TCIRG1: variants seen among roughly 807,000 people sequenced by gnomAD.
TCIRG1 encodes V-type proton ATPase 116 kDa subunit a 3.
Under a neutral mutation model 95.5 loss-of-function variants are expected in TCIRG1, and 86 were observed. That is an observed-to-expected ratio of 0.90 (90% CI 0.76 to 1.08). TCIRG1 has a LOEUF of 1.08. Among genes scored for constraint, TCIRG1 ranks in the 50% least tolerant of loss-of-function variants. The probability of loss-of-function intolerance (pLI) is 0.00; values close to 1 mark genes in which losing one functional copy is unlikely to be tolerated. For missense variants in TCIRG1, 1,069 were observed against 1,140.2 expected, an observed-to-expected ratio of 0.94 and a Z score of 0.90; for synonymous variants, 499 against 501.3, an observed-to-expected ratio of 1.00 and a Z score of 0.06.
chr11:68,041,429 AG>A, intron 2 of TCIRG1, 41 bp downstream of exon 2: 1 of 1,443,818 alleles, frequency 6.9e-7, no homozygotes, highest in Non-Finnish European at 9.7e-7. Flanking sequence ...GCTACTGCCA[AG>A]GTTAGCCCGG....
rs1855772197 is a variant in TCIRG1, at chr11:68,050,863, G to A, written c.*44G>A. 2.5e-6 allele frequency: 4 copies of A among 1,587,640 alleles called. No homozygotes were observed. Among genetic ancestry groups the A allele is most frequent in the African/African-American group, 1.3e-5 (1 of 74,526 alleles). ...CCAGACCTCCTTCCTGACCTCTGAG[G>A]CAGGAGAGGAATAAAGACGGTCCGC... On this transcript the variant is annotated 3_prime_UTR_variant, in exon 20 of 20. Coordinates refer to ENST00000265686, the MANE Select transcript of TCIRG1 (RefSeq NM_006019.4).
downstream of TCIRG1, chr11:68,050,941 C>T (rs1855775973): frequency 3.5e-6 from 4 of 1,155,046 alleles, no homozygotes; most frequent in Non-Finnish European, 5.0e-6. Context: ...AGGCAGGTGG[C>T]AGGGTAGAAG....
chr11:68,047,427 C>T lies in TCIRG1; in HGVS notation c.1166-6C>T. On this transcript the variant is annotated splice_region_variant and splice_polypyrimidine_tract_variant and intron_variant, in intron 10 of 19. Transcript: ENST00000265686. ...GGGTTCCCAGCTCACCCACCTCTGC[C>T]CACAGCTCCCTACACCATCATCACC... 1 of 1,613,854 alleles carries T rather than the reference C, an allele frequency of 6.2e-7. No homozygotes were observed. The highest frequency in any genetic ancestry group is 1.6e-4 in the Middle Eastern group (1 of 6,062).
chr11:68,040,321 C>T (rs551285792), intron 1 of TCIRG1, among the ~76,000 whole-genome samples: 63 of 152,220 alleles, frequency 4.1e-4, no homozygotes, highest in Non-Finnish European at 8.2e-4. Context: ...AGGGATGGAA[C>T]CCAGCCCCGC....
In TCIRG1 at chr11:68,043,596, T is replaced by C. The variant is rs748465503; in HGVS notation, c.656T>C (p.Phe219Ser). Residue 219 changes from phenylalanine (F) to serine (S), a missense_variant, in exon 7 of 20, where the codon TTC becomes TCC. Coordinates refer to ENST00000265686, the MANE Select transcript of TCIRG1 (RefSeq NM_006019.4). Reference sequence around the variant, plus strand: ...GGCGAGCCAGCCACGTGGATGACCTTCCTCATCTCCTACTGGGGTGAGCAG... The same window carrying C: ...GGCGAGCCAGCCACGTGGATGACCTCCCTCATCTCCTACTGGGGTGAGCAG... ...VTGEPATWMTFLISYWGEQIG... is the reference protein window; with the variant it reads ...VTGEPATWMTSLISYWGEQIG... The C allele has an allele frequency of 1.9e-6, 3 of 1,611,116 alleles. No individual in the cohort carries two copies. The highest frequency in any genetic ancestry group is 1.7e-4 in the Middle Eastern group (1 of 6,058).
intron 9 of TCIRG1, 77 bp downstream of exon 9, chr11:68,044,421 CT>C: frequency 8.3e-7 from 1 of 1,205,200 alleles, no homozygotes. Context: ...CACTTCCAGC[CT>C]CTGGCTCCCT....
chr11:68,048,039 C>T lies in TCIRG1; in HGVS notation c.1554+67C>T, dbSNP rs997751466. On this transcript the variant is annotated intron_variant, in intron 13 of 19. Coordinates refer to ENST00000265686, the MANE Select transcript of TCIRG1 (RefSeq NM_006019.4). ...TGGGAGTGGGGGCTGGGGCTCCCCT[C>T]GGTTCAGCCGTCCTGCAGCGCTGTC... 138 of 1,384,122 alleles carry T rather than the reference C, an allele frequency of 1.0e-4. No homozygotes were observed. The Admixed American group carries it at 2.1e-3, about 21-fold the overall frequency. The allele number at this position is 1,384,122 out of a possible 1,614,324, so 85.7% of individuals were successfully genotyped here. A position where few individuals can be genotyped will look rare whatever the true frequency, so the allele number is the denominator to read the frequency against.
At chr11:68,044,482 GC>G in intron 9 of TCIRG1, 138 bp downstream of exon 9, 1 of 727,066 alleles carries the variant, frequency 1.4e-6, no homozygotes, top group Non-Finnish European at 2.4e-6. Flanking sequence ...CTCCTCCATG[GC>G]CCACCGCTTC....
chr11:68,047,263 C>CCCCT (rs1855545200), intron 10 of TCIRG1, among the ~76,000 whole-genome samples, 170 bp from the exon 11 acceptor site: 2 of 112,880 alleles, frequency 1.8e-5, no homozygotes, highest in Non-Finnish European at 4.0e-5. Context: ...CCCCCCCCCC[C>CCCCT]CCCCGTCTCG....
intron 10 of TCIRG1, among the ~76,000 whole-genome samples, chr11:68,046,471 C>T (rs551939132): frequency 3.3e-5 from 5 of 152,324 alleles, no homozygotes; most frequent in African/African-American, 1.2e-4. Flanking sequence ...ACACTGTTCT[C>T]CTTCTATGTG....
intron 1 of TCIRG1, among the ~76,000 whole-genome samples, chr11:68,040,999 A>G (rs1855133132): frequency 6.6e-6 from 1 of 152,124 alleles, no homozygotes; most frequent in Non-Finnish European, 1.5e-5. Flanking sequence ...CGCTGGAGGT[A>G]GGGGCGGGGG....
At chr11:68,051,269 G>A (rs1279619484), downstream of TCIRG1, among the ~76,000 whole-genome samples, 2 of 152,298 alleles carry the variant, frequency 1.3e-5, no homozygotes, top group East Asian at 3.9e-4. Flanking sequence ...GCCCCGGCCA[G>A]TGCTCCATGC....
At chr11:68,040,516 C>T (rs574605171) in intron 1 of TCIRG1, among the ~76,000 whole-genome samples, 1 of 152,204 alleles carries the variant, frequency 6.6e-6, no homozygotes, top group African/African-American at 2.4e-5. Flanking sequence ...GTCCCCTCCC[C>T]CTAATTTTCG....
Position 68,042,671 on chromosome 11 carries a change from T to A in TCIRG1, c.225T>A (p.Ala75=), listed in dbSNP as rs1855227320. 3.2e-6 allele frequency: 5 copies of A among 1,547,002 alleles called. No homozygotes were observed. In the Admixed American group the frequency reaches 9.8e-5, roughly 30 times the overall value. ...FTFLQEEVRR[A]GLVLPPPKGR... ...TCCTGCAGGAGGAGGTGCGGCGGGCTGGGCTGGTCCTGCCCCCGCCAAAGG... is the reference window on the plus strand; with the variant it reads ...TCCTGCAGGAGGAGGTGCGGCGGGCAGGGCTGGTCCTGCCCCCGCCAAAGG... The change falls in exon 4 of 20, where the codon GCT becomes GCA. Residue 75 remains alanine (A), a synonymous_variant. Coordinates refer to ENST00000265686, the MANE Select transcript of TCIRG1 (RefSeq NM_006019.4).
At position 68,047,793 on chromosome 11, in the gene TCIRG1, G is replaced by C. The variant is rs1291479314; in HGVS notation, c.1452G>C (p.Gln484His). 1 of 1,612,934 alleles carries C rather than the reference G, an allele frequency of 6.2e-7. No individual in the cohort carries two copies. Among genetic ancestry groups the C allele is most frequent in the Non-Finnish European group, 8.5e-7 (1 of 1,179,866 alleles). ...SGWSVAAMAN[Q>H]SGWSDAFLAQ... The stretch of plus-strand genomic sequence containing the variant: ...GGAGTGTGGCCGCCATGGCCAACCA[G>C]TCTGGCTGGAGGTGAGGCCCGGGCC... Residue 484 changes from glutamine to histidine, a missense_variant, in exon 12 of 20, where the codon CAG becomes CAC. Transcript: ENST00000265686.
At position 68,044,304 on chromosome 11, in the gene TCIRG1, G is replaced by A. The variant is rs376320516; in HGVS notation, c.980G>A (p.Arg327Gln). Residue 327 changes from arginine (R) to glutamine (Q), a missense_variant, in exon 9 of 20, where the codon CGA (arginine) becomes CAA (glutamine). Coordinates refer to ENST00000265686, the MANE Select transcript of TCIRG1 (RefSeq NM_006019.4). The stretch of plus-strand genomic sequence containing the variant: ...ATTGCCGAGGCCTGGTGCTCTGTGC[G>A]AGACCTGCCCGCCCTGCAGGAGGCC... Reference protein sequence around the residue: ...CLIAEAWCSVRDLPALQEALR... With the variant: ...CLIAEAWCSVQDLPALQEALR... The A allele has an allele frequency of 4.4e-6, 7 of 1,602,768 alleles. No individual in the cohort carries two copies. The highest frequency in any genetic ancestry group is 1.7e-5 in the Admixed American group (1 of 58,888).
rs759331892 is a variant in TCIRG1, at chr11:68,043,366, G to A, written c.504-5G>A. 1.3e-5 allele frequency: 20 copies of A among 1,539,928 alleles called. No homozygotes were observed. The highest frequency in any genetic ancestry group is 1.6e-5 in the Non-Finnish European group (18 of 1,146,446). On this transcript the variant is annotated splice_polypyrimidine_tract_variant and splice_region_variant and intron_variant, in intron 5 of 19. Coordinates refer to ENST00000265686, the MANE Select transcript of TCIRG1 (RefSeq NM_006019.4). ...AGCAGCCCTGCCCAGCCCCGTGGCC[G>A]CCAGCTTTGTGGCAGGTGCCGTGGA...
intron 10 of TCIRG1, among the ~76,000 whole-genome samples, chr11:68,046,627 G>T (rs1172392423): frequency 6.9e-6 from 1 of 145,472 alleles, no homozygotes; most frequent in Non-Finnish European, 1.5e-5. Context: ...CGACTCCAGT[G>T]TATCTTTTTT....
At chr11:68,045,705 C>T (rs1258346897) in intron 10 of TCIRG1, among the ~76,000 whole-genome samples, 5 of 152,190 alleles carry the variant, frequency 3.3e-5, no homozygotes, top group South Asian at 2.1e-4. Context: ...AGGCACGCAC[C>T]ACCACGCCTG....
Sources: gnomAD v4.1 joint callset for allele counts (sites outside exome capture counted in the v4.1 genomes callset) on GRCh38, gnomAD v4.1.1 for gene constraint, MANE v1.5 for transcripts, NCBI Gene and HGNC (gene_info 2026-07-23, HGNC 2026-07-21) for gene names.